RORA: variants seen among roughly 807,000 people sequenced by gnomAD.
RORA encodes nuclear receptor ROR-alpha.
RORA carries 7 observed loss-of-function variants against 69.5 expected under a neutral mutation model. The ratio of observed to expected loss-of-function variants is 0.10; its 90% confidence interval spans 0.06 to 0.19. The LOEUF (loss-of-function observed/expected upper bound fraction) is 0.19, where lower values mean the gene tolerates loss of function less well. Ranked by LOEUF, RORA falls within the 10% of genes least tolerant of loss-of-function variation. The pLI is 1.00. For missense variants in RORA, 457 were observed against 663.0 expected, an observed-to-expected ratio of 0.69 and a Z score of 3.41; for synonymous variants, 261 against 240.8, an observed-to-expected ratio of 1.08 and a Z score of -0.78.
intron 1 of RORA, among the ~76,000 whole-genome samples, chr15:60,805,281 A>C (rs1160085030): frequency 6.6e-6 from 1 of 152,244 alleles, no homozygotes; most frequent in Non-Finnish European, 1.5e-5. Flanking sequence ...CATGTCAGTC[A>C]TTTGAACCAG....
chr15:60,627,581 T>C (rs200565590), intron 2 of RORA: 78 of 1,258,834 alleles, frequency 6.2e-5, no homozygotes, highest in Non-Finnish European at 7.9e-5. Context: ...GTACTTACAA[T>C]TCTCCCATAA....
At chr15:60,912,216 G>C (rs1595811705) in intron 1 of RORA, among the ~76,000 whole-genome samples, 1 of 151,286 alleles carries the variant, frequency 6.6e-6, no homozygotes, top group African/African-American at 2.4e-5. Context: ...TTTCAGACCA[G>C]TCTGGGCAAC....
At chr15:61,007,702 CTAA>C (rs1894950513) in intron 1 of RORA, among the ~76,000 whole-genome samples, 1 of 148,004 alleles carries the variant, frequency 6.8e-6, no homozygotes. Context: ...TAACATTAGG[CTAA>C]TGTTATATAG....
intron 1 of RORA, chr15:61,041,122 A>G (rs868722947): frequency 6.6e-6 from 1 of 152,274 alleles, no homozygotes; most frequent in Non-Finnish European, 1.5e-5. Flanking sequence ...TCAGCAACAG[A>G]TCCTCCAGAA....
chr15:61,113,678 C>A lies in RORA; in HGVS notation c.166+115375G>T, dbSNP rs564161015. ...CTGTTTTTTTAAAATTCTACACACA[C>A]ACATGCACACACACACGCACGTGTG... On this transcript the variant is annotated intron_variant, in intron 1 of 10. Transcript: ENST00000335670. 3.3e-5 allele frequency among the ~76,000 whole-genome samples: 5 copies of A among 152,280 alleles called. No individual in the cohort carries two copies. In the East Asian group the frequency reaches 5.8e-4, roughly 18 times the overall value.
At chr15:61,177,995 A>G (rs2079646799) in intron 1 of RORA, among the ~76,000 whole-genome samples, 1 of 151,864 alleles carries the variant, frequency 6.6e-6, no homozygotes, top group South Asian at 2.1e-4. Flanking sequence ...AAAAGAAAGG[A>G]GAAAAAGAAG....
chr15:60,571,451 G>A (rs75112205), intron 2 of RORA, among the ~76,000 whole-genome samples: 2,713 of 152,108 alleles, frequency 0.018, 74 homozygotes, highest in African/African-American at 0.062. Context: ...AATTGTGCAG[G>A]CCAATTAAAC....
chr15:61,120,810 A>G (rs1331081881), intron 1 of RORA, among the ~76,000 whole-genome samples: 1 of 151,844 alleles, frequency 6.6e-6, no homozygotes, highest in Non-Finnish European at 1.5e-5. Context: ...AAAAACAACT[A>G]AAATTTATTG....
intron 2 of RORA, among the ~76,000 whole-genome samples, chr15:60,606,019 CT>C (rs920523170): frequency 6.6e-6 from 1 of 152,226 alleles, no homozygotes; most frequent in African/African-American, 2.4e-5. Flanking sequence ...TATGACACCA[CT>C]TCTCCAGATT....
chr15:60,939,402 C>A (rs1892621088), intron 1 of RORA, among the ~76,000 whole-genome samples: 1 of 152,034 alleles, frequency 6.6e-6, no homozygotes, highest in Non-Finnish European at 1.5e-5. Context: ...GTACAAATTG[C>A]CTTTGAGGTG....
chr15:61,049,070 C>T (rs1187570261), intron 1 of RORA, among the ~76,000 whole-genome samples: 1 of 152,198 alleles, frequency 6.6e-6, no homozygotes, highest in Non-Finnish European at 1.5e-5. Flanking sequence ...CCCAACACCA[C>T]ATCTGCTGAA....
intron 2 of RORA, among the ~76,000 whole-genome samples, chr15:60,636,648 A>G (rs896925831): frequency 1.3e-5 from 2 of 152,184 alleles, no homozygotes; most frequent in African/African-American, 2.4e-5. Context: ...AAAAGGTTCT[A>G]AAAATAATAC....
At chr15:60,936,552 C>T (rs187430219) in intron 1 of RORA, among the ~76,000 whole-genome samples, 89 of 152,304 alleles carry the variant, frequency 5.8e-4, no homozygotes, top group African/African-American at 1.6e-3. Context: ...TCTCCATCAC[C>T]GTCACCATCA....
At chr15:60,857,141 A>G (rs754452343) in intron 1 of RORA, among the ~76,000 whole-genome samples, 12 of 152,298 alleles carry the variant, frequency 7.9e-5, no homozygotes, top group Non-Finnish European at 1.6e-4. Flanking sequence ...TGGGCCAGCC[A>G]GAAAAATAAT....
intron 1 of RORA, among the ~76,000 whole-genome samples, chr15:60,939,881 C>T (rs1359634968): frequency 3.3e-5 from 5 of 151,920 alleles, no homozygotes. Context: ...TTCTACAAGG[C>T]AAGATAAAAA....
chr15:60,915,912 C>G (rs181411113), intron 1 of RORA, among the ~76,000 whole-genome samples: 3 of 152,306 alleles, frequency 2.0e-5, no homozygotes, highest in African/African-American at 4.8e-5. Flanking sequence ...TGAGATAAAG[C>G]ACTTAGCACA....
intron 1 of RORA, among the ~76,000 whole-genome samples, chr15:61,012,236 C>G (rs1294875013): frequency 6.6e-6 from 1 of 152,212 alleles, no homozygotes; most frequent in Non-Finnish European, 1.5e-5. Context: ...GCATGTAAAA[C>G]ATGTGCTAGA....
At chr15:60,576,170 T>C (rs184174284) in intron 2 of RORA, among the ~76,000 whole-genome samples, 1 of 152,352 alleles carries the variant, frequency 6.6e-6, no homozygotes, top group African/African-American at 2.4e-5. Flanking sequence ...CTGTGGGCCA[T>C]TGCACAACCT....
At chr15:61,054,780 C>T (rs564935405) in intron 1 of RORA, among the ~76,000 whole-genome samples, 6 of 151,142 alleles carry the variant, frequency 4.0e-5, no homozygotes, top group East Asian at 3.9e-4. Flanking sequence ...CTCCCTTTAA[C>T]TTTCATCATG....
Sources: gnomAD v4.1 joint callset for allele counts (sites outside exome capture counted in the v4.1 genomes callset) on GRCh38, gnomAD v4.1.1 for gene constraint, MANE v1.5 for transcripts, NCBI Gene and HGNC (gene_info 2026-07-23, HGNC 2026-07-21) for gene names.